CADM2: variants seen among roughly 807,000 people sequenced by gnomAD.
The protein encoded by CADM2 is cell adhesion molecule 2.
In CADM2, 12 loss-of-function variants were observed where a neutral mutation model predicts 49.8. The ratio of observed to expected loss-of-function variants is 0.24; its 90% CI spans 0.15 to 0.39. CADM2 has a LOEUF of 0.39. CADM2 is among the 10% of genes least tolerant of loss of function. CADM2 has a pLI of 1.00. For missense variants in CADM2, 378 were observed against 492.3 expected, an observed-to-expected ratio of 0.77 and a Z score of 2.20; for synonymous variants, 214 against 175.4, an observed-to-expected ratio of 1.22 and a Z score of -1.74.
chr3:85,559,055 A>C (rs967422567), intron 1 of CADM2, among the ~76,000 whole-genome samples: 1 of 152,002 alleles, frequency 6.6e-6, no homozygotes, highest in Admixed American at 6.6e-5. Flanking sequence ...TTATTCATAC[A>C]CTTTCTAGAT....
chr3:85,622,279 C>T (rs1245637975), intron 1 of CADM2, among the ~76,000 whole-genome samples: 1 of 152,072 alleles, frequency 6.6e-6, no homozygotes, highest in Non-Finnish European at 1.5e-5. Context: ...TACAAAGCTT[C>T]TATCTAGTGT....
In CADM2 at chr3:85,625,014, C is replaced by T. The variant is rs575620610; in HGVS notation, c.62-101508C>T. On this transcript the variant is annotated intron_variant, in intron 1 of 9. Coordinates refer to ENST00000383699, the MANE Select transcript of CADM2 (RefSeq NM_001167675.2). ...ACAACTTTCTAACCTAACTAAGCTTCGGTTCCTCATCTATAAAACAGACAA... is the reference window on the plus strand; with the variant it reads ...ACAACTTTCTAACCTAACTAAGCTTTGGTTCCTCATCTATAAAACAGACAA... Among the ~76,000 whole-genome samples the T allele has an allele frequency of 1.2e-4, 18 of 152,138 alleles. 1 individual carries two copies. The South Asian group carries it at 1.5e-3, about 12-fold the overall frequency.
At chr3:85,856,494 T>C (rs1213879128) in intron 3 of CADM2, among the ~76,000 whole-genome samples, 1 of 152,200 alleles carries the variant, frequency 6.6e-6, no homozygotes, top group Non-Finnish European at 1.5e-5. Flanking sequence ...TCAAACTATA[T>C]GCTACCCAAT....
chr3:85,562,449 G>A (rs2062120631), intron 1 of CADM2, among the ~76,000 whole-genome samples: 1 of 119,572 alleles, frequency 8.4e-6, no homozygotes, highest in Non-Finnish European at 1.6e-5. Flanking sequence ...TTGCACTCCA[G>A]CCTGGGCAAC....
chr3:85,642,579 T>G (rs2107556552), intron 1 of CADM2, among the ~76,000 whole-genome samples: 1 of 152,268 alleles, frequency 6.6e-6, no homozygotes, highest in Non-Finnish European at 1.5e-5. Context: ...ATTATGATGA[T>G]AAAATTTTTA....
At chr3:85,366,517 A>G (rs1037913414) in intron 1 of CADM2, among the ~76,000 whole-genome samples, 8 of 152,186 alleles carry the variant, frequency 5.3e-5, no homozygotes, top group African/African-American at 1.4e-4. Context: ...GTAATTTTTC[A>G]TTTATAATCT....
chr3:85,386,208 T>G (rs1288111729), intron 1 of CADM2, among the ~76,000 whole-genome samples: 1 of 152,158 alleles, frequency 6.6e-6, no homozygotes, highest in Non-Finnish European at 1.5e-5. Flanking sequence ...GGTAGCTAAT[T>G]ATTTTGAAAG....
intron 1 of CADM2, among the ~76,000 whole-genome samples, chr3:85,483,695 G>A (rs61649225): frequency 0.039 from 5,818 of 149,858 alleles, 362 homozygotes; most frequent in African/African-American, 0.13. Flanking sequence ...ATCTAATGCC[G>A]TATATCCAGA....
chr3:85,091,758 A>G (rs1023649484), intron 1 of CADM2, among the ~76,000 whole-genome samples: 6 of 152,140 alleles, frequency 3.9e-5, no homozygotes, highest in African/African-American at 1.4e-4. Context: ...TAAATCTGAA[A>G]TGTCCCCTCT....
intron 1 of CADM2, among the ~76,000 whole-genome samples, chr3:85,454,384 C>T (rs1184363231): frequency 7.2e-5 from 11 of 151,810 alleles, no homozygotes; most frequent in Non-Finnish European, 1.2e-4. Context: ...CCTTCTAGTA[C>T]GCAGAATCCC....
At chr3:85,908,202 G>GA (rs146080460) in intron 5 of CADM2, among the ~76,000 whole-genome samples, 4 of 143,502 alleles carry the variant, frequency 2.8e-5, no homozygotes, top group East Asian at 4.1e-4. Context: ...GATATTTTGT[G>GA]AAAAAAAATT....
intron 1 of CADM2, among the ~76,000 whole-genome samples, chr3:85,619,474 T>C (rs2063905599): frequency 6.6e-6 from 1 of 152,150 alleles, no homozygotes; most frequent in Non-Finnish European, 1.5e-5. Flanking sequence ...TCACTCAAAA[T>C]ATCCTCTGGT....
At chr3:85,218,744 C>T (rs759423126) in intron 1 of CADM2, among the ~76,000 whole-genome samples, 1 of 152,038 alleles carries the variant, frequency 6.6e-6, no homozygotes, top group South Asian at 2.1e-4. Flanking sequence ...TGCAGTGAGC[C>T]GAGATTACGC....
At chr3:85,951,675 C>T (rs145839014) in intron 7 of CADM2, among the ~76,000 whole-genome samples, 1 of 151,106 alleles carries the variant, frequency 6.6e-6, no homozygotes, top group South Asian at 2.1e-4. Context: ...CTCCAAGATA[C>T]AGTAATGAAA....
chr3:85,821,367 A>G (rs1025642912), intron 3 of CADM2, among the ~76,000 whole-genome samples: 8 of 152,176 alleles, frequency 5.3e-5, no homozygotes, highest in African/African-American at 1.7e-4. Context: ...TGTCCTGGGT[A>G]TCTGCAGAAG....
chr3:84,988,011 A>C (rs1337663693), intron 1 of CADM2, among the ~76,000 whole-genome samples: 29 of 152,100 alleles, frequency 1.9e-4, no homozygotes, highest in Admixed American at 1.8e-3. Context: ...CCCGATTTGG[A>C]GCTGTGGCCA....
chr3:85,459,270 A>C (rs941565833), intron 1 of CADM2, among the ~76,000 whole-genome samples: 5 of 152,060 alleles, frequency 3.3e-5, no homozygotes, highest in Non-Finnish European at 5.9e-5. Context: ...GTCCAAAACC[A>C]AAAAAAGGGA....
chr3:85,339,745 T>C (rs1258757571), intron 1 of CADM2, among the ~76,000 whole-genome samples: 1 of 151,466 alleles, frequency 6.6e-6, no homozygotes, highest in Admixed American at 6.6e-5. Context: ...AGGATAATTA[T>C]TTCTATGATG....
At chr3:86,039,039 T>C (rs1735509488) in intron 8 of CADM2, among the ~76,000 whole-genome samples, 1 of 152,194 alleles carries the variant, frequency 6.6e-6, no homozygotes, top group Non-Finnish European at 1.5e-5. Context: ...TTTTAGCCCC[T>C]GTTAGGGTCT....
Sources: gnomAD v4.1 joint callset for allele counts (sites outside exome capture counted in the v4.1 genomes callset) on GRCh38, gnomAD v4.1.1 for gene constraint, MANE v1.5 for transcripts, NCBI Gene and HGNC (gene_info 2026-07-23, HGNC 2026-07-21) for gene names.